The following ZNF469 variants were observed in gnomAD, a reference collection of about 807,000 sequenced individuals.
ZNF469 encodes zinc finger protein 469.
Under a neutral mutation model 1.0 loss-of-function variants are expected in ZNF469, and 1 was observed. That is an observed-to-expected ratio of 1.00 (90% CI 0.35 to 4.73). The LOEUF (loss-of-function observed/expected upper bound fraction) is 4.73. ZNF469 is among the 30% of genes most tolerant of loss of function. ZNF469 has a pLI of 0.16. For synonymous variants in ZNF469, 2,703 were observed against 2,363.4 expected, an observed-to-expected ratio of 1.14 and a Z score of -4.17; for missense variants, 6,100 against 5,356.3, an observed-to-expected ratio of 1.14 and a Z score of -4.33.
the ZNF469 span, among the ~76,000 whole-genome samples, chr16:88,246,987 ATGAATGAGTGAG>A: frequency 6.6e-6 from 1 of 151,570 alleles, no homozygotes; most frequent in Non-Finnish European, 1.5e-5. Context: ...GAGTGAATGA[ATGAATGAGTGAG>A]TGAATGAGTG....
the ZNF469 span, among the ~76,000 whole-genome samples, chr16:88,299,556 T>G: frequency 6.6e-6 from 1 of 152,178 alleles, no homozygotes; most frequent in South Asian, 2.1e-4. Context: ...GGGCTGTGGC[T>G]TCTGGGAGTC....
the ZNF469 span, among the ~76,000 whole-genome samples, chr16:88,188,773 C>G: frequency 1.6e-4 from 25 of 152,174 alleles, no homozygotes; most frequent in Non-Finnish European, 1.5e-5. Flanking sequence ...CTCCCCCTGC[C>G]CAGATCCACT....
chr16:88,204,619 C>A, the ZNF469 span, among the ~76,000 whole-genome samples: 1 of 152,202 alleles, frequency 6.6e-6, no homozygotes, highest in South Asian at 2.1e-4. Context: ...TTGTGAGCCG[C>A]CTTGGCCAGA....
chr16:88,171,107 A>G, the ZNF469 span, among the ~76,000 whole-genome samples: 1 of 152,256 alleles, frequency 6.6e-6, no homozygotes, highest in Admixed American at 6.5e-5. Flanking sequence ...GAAATACGTT[A>G]AATAAATAAC....
At chr16:88,369,682 G>A in the ZNF469 span, among the ~76,000 whole-genome samples, 3 of 152,216 alleles carry the variant, frequency 2.0e-5, no homozygotes, top group Non-Finnish European at 2.9e-5. Flanking sequence ...GGGCGACACT[G>A]TCCCCACTGC....
the ZNF469 span, among the ~76,000 whole-genome samples, chr16:88,372,583 T>C: frequency 6.8e-6 from 1 of 146,702 alleles, no homozygotes; most frequent in Admixed American, 6.8e-5. Flanking sequence ...CATCACACCA[T>C]CACCATCATC....
the ZNF469 span, among the ~76,000 whole-genome samples, chr16:88,102,067 G>T: frequency 1.6e-5 from 1 of 60,720 alleles, no homozygotes. Context: ...CCCCACCCCC[G>T]CCCCCCGCCC....
the ZNF469 span, among the ~76,000 whole-genome samples, chr16:88,168,524 T>G: frequency 6.6e-6 from 1 of 152,234 alleles, no homozygotes; most frequent in Non-Finnish European, 1.5e-5. The surrounding 1 kb of genome is among the most constrained non-coding windows in gnomAD (Gnocchi z 4.3). Context: ...ATTGTGACCT[T>G]GTGCAGGTTC....
At chr16:88,146,311 G>A in the ZNF469 span, among the ~76,000 whole-genome samples, 5 of 152,236 alleles carry the variant, frequency 3.3e-5, no homozygotes, top group Non-Finnish European at 7.3e-5. Flanking sequence ...ACATCCTCAA[G>A]GGTGAGGTCA....
At chr16:88,228,180 A>G in the ZNF469 span, among the ~76,000 whole-genome samples, 2 of 152,226 alleles carry the variant, frequency 1.3e-5, no homozygotes, top group African/African-American at 4.8e-5. Flanking sequence ...GTGGCTTTGG[A>G]GGACACTGTT....
In ZNF469 at chr16:88,433,502, G is replaced by A. The variant is rs79155191; in HGVS notation, c.6032G>A (p.Gly2011Asp). ...CCAGAGAACGGGGTGAGCCCAGGGG[G>A]CACGGACAACCACGCCTCAGTCAAT... The part of the protein sequence containing the change: ...LQPENGVSPG[G>D]TDNHASVNAS... The change falls in exon 3 of 3, where the codon GGC becomes GAC. Residue 2011 changes from glycine to aspartate, a missense_variant. Transcript: ENST00000565624. 3,340 of 1,550,296 alleles carry A rather than the reference G, an allele frequency of 2.2e-3. 62 individuals carry two copies. The African/African-American group carries it at 0.041, about 19-fold the overall frequency.
chr16:88,121,428 T>C, the ZNF469 span, among the ~76,000 whole-genome samples: 2 of 152,190 alleles, frequency 1.3e-5, no homozygotes, highest in Admixed American at 6.5e-5. Context: ...TCAGTATCGA[T>C]TCTGGCCATC....
At chr16:88,346,549 C>T in the ZNF469 span, among the ~76,000 whole-genome samples, 3 of 152,230 alleles carry the variant, frequency 2.0e-5, no homozygotes, top group Non-Finnish European at 4.4e-5. Context: ...GACAGGGTCT[C>T]GCGCTGTTGC....
chr16:88,432,900 G>A lies in ZNF469; in HGVS notation c.5430G>A (p.Gln1810=). ...AVHLAPDLAF[Q]GDGAPPLDAT... ...ATCTGGCCCCTGACTTGGCATTTCAGGGTGACGGGGCTCCACCTCTGGATG... is the reference window on the plus strand; with the variant it reads ...ATCTGGCCCCTGACTTGGCATTTCAAGGTGACGGGGCTCCACCTCTGGATG... The change falls in exon 3 of 3, where the codon CAG becomes CAA. Residue 1810 remains glutamine (Q), a synonymous_variant. Transcript: ENST00000565624. 6.5e-7 allele frequency: 1 copy of A among 1,550,368 alleles called. No homozygotes were observed.
chr16:88,332,765 A>G, the ZNF469 span, among the ~76,000 whole-genome samples: 6 of 152,112 alleles, frequency 3.9e-5, no homozygotes, highest in Non-Finnish European at 7.4e-5. Flanking sequence ...ACCACTGCTC[A>G]GGCCGGCTCT....
the ZNF469 span, among the ~76,000 whole-genome samples, chr16:88,224,080 A>G: frequency 1.3e-5 from 2 of 152,336 alleles, no homozygotes; most frequent in East Asian, 3.9e-4. Context: ...GATAAAATAA[A>G]ACAAAACACG....
Position 88,438,067 on chromosome 16 carries a change from C to T in ZNF469, c.10597C>T (p.Pro3533Ser). The T allele has an allele frequency of 6.5e-7, 1 of 1,550,384 alleles. No homozygotes were observed. The highest frequency in any genetic ancestry group is 8.7e-7 in the Non-Finnish European group (1 of 1,146,960). The stretch of plus-strand genomic sequence containing the variant: ...CGAGACCCTAGAGAGGCCTGTAGAC[C>T]CCGTGACCCACCCGATCAGAGGTTG... ...WPETLERPVD[P>S]VTHPIRGCEL... Residue 3533 changes from proline (P) to serine (S), a missense_variant, in exon 3 of 3, where the codon CCC (proline) becomes TCC (serine). By Grantham distance (74) the Pro-to-Ser change is moderately conservative. Coordinates refer to ENST00000565624, the MANE Select transcript of ZNF469 (RefSeq NM_001367624.2).
At chr16:88,157,682 G>T in the ZNF469 span, among the ~76,000 whole-genome samples, 29 of 152,288 alleles carry the variant, frequency 1.9e-4, no homozygotes, top group African/African-American at 7.0e-4. Context: ...TGTGGGGCTG[G>T]TGAAGAAATG....
chr16:88,310,044 T>C, the ZNF469 span, among the ~76,000 whole-genome samples: 3 of 152,064 alleles, frequency 2.0e-5, no homozygotes, highest in Non-Finnish European at 4.4e-5. Flanking sequence ...GTGCAATTCC[T>C]GTGCACTGAG....
Sources: gnomAD v4.1 joint callset for allele counts (sites outside exome capture counted in the v4.1 genomes callset) on GRCh38, gnomAD v4.1.1 for gene constraint, Gnocchi (gnomAD v3.1) non-coding constraint, MANE v1.5 for transcripts, NCBI Gene and HGNC (gene_info 2026-07-23, HGNC 2026-07-21) for gene names.